The following CNTN4 variants were observed in gnomAD, a reference collection of about 807,000 sequenced individuals.
CNTN4 encodes contactin-4.
A neutral mutation model predicts 122.5 loss-of-function variants in CNTN4; 77 were observed. The ratio of observed to expected loss-of-function variants is 0.63; its 90% CI spans 0.52 to 0.76. The LOEUF is 0.76. Among genes scored for constraint, CNTN4 ranks in the 30% least tolerant of loss-of-function variants. The pLI, the probability that CNTN4 is intolerant of heterozygous loss-of-function variation, is 0.00. For synonymous variants in CNTN4, 512 were observed against 447.0 expected, an observed-to-expected ratio of 1.15 and a Z score of -1.83; for missense variants, 1,256 against 1,259.1, an observed-to-expected ratio of 1.00 and a Z score of 0.04.
chr3:2,583,831 A>T (rs913825291), intron 4 of CNTN4, among the ~76,000 whole-genome samples: 15 of 152,212 alleles, frequency 9.9e-5, no homozygotes, highest in African/African-American at 3.6e-4. Context: ...TAAGGAGTTT[A>T]TAATCTTGTG....
rs73806319 is a variant in CNTN4, at chr3:2,141,117, C to T, written c.-145+40478C>T. Among the ~76,000 whole-genome samples, 1,179 of 152,246 alleles carry T rather than the reference C, an allele frequency of 7.7e-3. 16 individuals are homozygous for T. Among genetic ancestry groups the T allele is most frequent in the African/African-American group, 0.027 (1,119 of 41,532 alleles). On this transcript the variant is annotated intron_variant, in intron 2 of 24. Transcript: ENST00000418658. Reference sequence around the variant, plus strand: ...CAAAATGAAGAGCACCTTAGCATTTCTACAATGTTGTCATTGCAGGGTATT... The same window carrying T: ...CAAAATGAAGAGCACCTTAGCATTTTTACAATGTTGTCATTGCAGGGTATT...
chr3:2,713,254 T>G (rs2087262397), intron 4 of CNTN4, among the ~76,000 whole-genome samples: 1 of 152,154 alleles, frequency 6.6e-6, no homozygotes, highest in Non-Finnish European at 1.5e-5. Context: ...CATTGCTCAC[T>G]TGGTGGTGGG....
At chr3:2,771,779 T>C (rs2091112460) in intron 6 of CNTN4, among the ~76,000 whole-genome samples, 1 of 152,096 alleles carries the variant, frequency 6.6e-6, no homozygotes, top group African/African-American at 2.4e-5. Context: ...ATGTGGTAAA[T>C]GAAAAGACAG....
At chr3:2,612,107 T>TAC (rs58025362) in intron 4 of CNTN4, among the ~76,000 whole-genome samples, 2,841 of 150,160 alleles carry the variant, frequency 0.019, 43 homozygotes, top group African/African-American at 0.048. Context: ...ATACATATAA[T>TAC]ACACACACAC....
chr3:2,579,115 G>A (rs2149548334), intron 4 of CNTN4, among the ~76,000 whole-genome samples: 1 of 152,296 alleles, frequency 6.6e-6, no homozygotes. Context: ...CTCTCCTGAA[G>A]TAAAATTGTG....
chr3:3,004,372 C>T (rs923251631), intron 14 of CNTN4, among the ~76,000 whole-genome samples: 2 of 152,122 alleles, frequency 1.3e-5, no homozygotes, highest in African/African-American at 4.8e-5. Context: ...GAATAGTCCC[C>T]CCATCAGTCT....
At chr3:2,955,958 T>G (rs1243935820) in intron 13 of CNTN4, among the ~76,000 whole-genome samples, 1 of 152,178 alleles carries the variant, frequency 6.6e-6, no homozygotes, top group Non-Finnish European at 1.5e-5. Flanking sequence ...ACTCCAGAAT[T>G]AAAAGCAAGG....
intron 6 of CNTN4, among the ~76,000 whole-genome samples, chr3:2,779,723 G>A (rs1466630750): frequency 6.6e-6 from 1 of 152,088 alleles, no homozygotes; most frequent in African/African-American, 2.4e-5. Context: ...ACATCACATG[G>A]GCAATAAACA....
intron 6 of CNTN4, 70 bp downstream of exon 6, chr3:2,745,767 A>G (rs1038241617): frequency 2.2e-6 from 3 of 1,379,522 alleles, no homozygotes; most frequent in Non-Finnish European, 3.1e-6. Flanking sequence ...ATAAGCTTTT[A>G]TAGCAGTTTC....
chr3:2,499,442 C>G (rs946122369), intron 3 of CNTN4, among the ~76,000 whole-genome samples: 1 of 152,092 alleles, frequency 6.6e-6, no homozygotes, highest in African/African-American at 2.4e-5. Flanking sequence ...TAAACAGAAT[C>G]TATAATTATT....
intron 3 of CNTN4, among the ~76,000 whole-genome samples, chr3:2,562,250 T>C (rs979417656): frequency 6.6e-6 from 1 of 152,300 alleles, no homozygotes; most frequent in East Asian, 1.9e-4. Flanking sequence ...TATTTTAAAT[T>C]CAGGGGGTAC....
At chr3:2,697,347 G>T (rs2086097534) in intron 4 of CNTN4, among the ~76,000 whole-genome samples, 1 of 152,098 alleles carries the variant, frequency 6.6e-6, no homozygotes, top group Non-Finnish European at 1.5e-5. Context: ...AACTATACCT[G>T]TCCTATTTTC....
intron 2 of CNTN4, among the ~76,000 whole-genome samples, chr3:2,267,551 T>C (rs2041102426): frequency 6.6e-6 from 1 of 152,120 alleles, no homozygotes; most frequent in African/African-American, 2.4e-5. Flanking sequence ...TCATATCTCA[T>C]CTGTGACTCA....
chr3:2,211,559 T>G (rs1456319391), intron 2 of CNTN4, among the ~76,000 whole-genome samples: 1 of 152,156 alleles, frequency 6.6e-6, no homozygotes, highest in Non-Finnish European at 1.5e-5. Context: ...TTTAAAAAAT[T>G]TTCATATATA....
intron 3 of CNTN4, among the ~76,000 whole-genome samples, chr3:2,561,799 C>G (rs1282002330): frequency 6.6e-6 from 1 of 152,076 alleles, no homozygotes; most frequent in Non-Finnish European, 1.5e-5. Flanking sequence ...GATCTCATTG[C>G]CATAGGGAAG....
chr3:2,260,516 C>T (rs894647356), intron 2 of CNTN4, among the ~76,000 whole-genome samples: 2 of 151,928 alleles, frequency 1.3e-5, no homozygotes, highest in Admixed American at 6.6e-5. Flanking sequence ...ATGAGGTAAG[C>T]AGCAGAAGGG....
intron 3 of CNTN4, among the ~76,000 whole-genome samples, chr3:2,486,770 C>G (rs554034090): frequency 6.6e-6 from 1 of 152,032 alleles, no homozygotes; most frequent in Non-Finnish European, 1.5e-5. Flanking sequence ...ATGGATTAGC[C>G]TTCATGTTTG....
intron 2 of CNTN4, among the ~76,000 whole-genome samples, chr3:2,256,284 T>C (rs1391094400): frequency 6.6e-6 from 1 of 152,098 alleles, no homozygotes; most frequent in Non-Finnish European, 1.5e-5. Flanking sequence ...AGTTCTGAAA[T>C]TGAGGCACTA....
intron 4 of CNTN4, among the ~76,000 whole-genome samples, chr3:2,715,132 G>A (rs13324651): frequency 0.17 from 25,098 of 151,978 alleles, 2,101 homozygotes; most frequent in South Asian, 0.19. Context: ...TTGCTTTAGG[G>A]TGATCTCCAC....
Sources: allele counts gnomAD v4.1 joint callset (sites outside exome capture counted in the v4.1 genomes callset), GRCh38; gene constraint gnomAD v4.1.1; transcripts MANE v1.5; gene names NCBI Gene and HGNC (gene_info 2026-07-23, HGNC 2026-07-21).